Variants in SEC63 observed in about 807,000 individuals in gnomAD.
SEC63 encodes the protein SEC63 protein translocation regulator.
SEC63 carries 56 observed loss-of-function variants against 116.2 expected under a neutral mutation model. The observed-to-expected ratio is 0.48, with a 90% CI of 0.39 to 0.60. The LOEUF (loss-of-function observed/expected upper bound fraction) is 0.60. Among genes scored for constraint, SEC63 ranks in the 20% least tolerant of loss-of-function variants. SEC63 has a pLI of 0.00. For missense variants in SEC63, 668 were observed against 900.0 expected (o/e 0.74, Z 3.30); for synonymous variants, 273 against 294.6 (o/e 0.93, Z 0.75).
At chr6:107,922,706 T>C (rs1478304557) in intron 3 of SEC63, among the ~76,000 whole-genome samples, 1 of 152,206 alleles carries the variant, frequency 6.6e-6, no homozygotes, top group African/African-American at 2.4e-5. Flanking sequence ...CTGTTTTTTA[T>C]TGCCCTTCTA....
chr6:107,868,671 C>G lies in SEC63; in HGVS notation c.*3033G>C, dbSNP rs1351065695. ...AATTCTTCTGCCTACAGTAGATAGACTAAAAAAAAAAAAAGGCATTCCAAA... is the reference window on the plus strand; with the variant it reads ...AATTCTTCTGCCTACAGTAGATAGAGTAAAAAAAAAAAAAGGCATTCCAAA... On this transcript the variant is annotated 3_prime_UTR_variant, in exon 21 of 21. Transcript: ENST00000369002. 6.8e-6 allele frequency: 1 copy of G among 147,166 alleles called. No individual in the cohort carries two copies. The allele number at this position is 147,166 out of a possible 1,614,324, so 9.1% of individuals were successfully genotyped here.
At chr6:107,923,442 T>C (rs1787602432) in intron 3 of SEC63, among the ~76,000 whole-genome samples, 1 of 152,138 alleles carries the variant, frequency 6.6e-6, no homozygotes, top group Non-Finnish European at 1.5e-5. Flanking sequence ...TTAGAACCCA[T>C]TAATCAGGTT....
At position 107,896,369 on chromosome 6, in the gene SEC63, G is replaced by T. The variant is rs116739900; in HGVS notation, c.1440+1280C>A. Among the ~76,000 whole-genome samples the T allele has an allele frequency of 3.4e-3, 520 of 152,058 alleles. 4 individuals are homozygous for T. The highest frequency in any genetic ancestry group is 0.012 in the African/African-American group (504 of 41,474). ...ATGCCAGCTACTAGAGAGAGACTGA[G>T]GCAGAAGAATCACTTGAACCTGGGA... On this transcript the variant is annotated intron_variant, in intron 14 of 20. Coordinates refer to ENST00000369002, the MANE Select transcript of SEC63 (RefSeq NM_007214.5).
At chr6:107,930,765 C>G (rs1787788638) in intron 1 of SEC63, among the ~76,000 whole-genome samples, 2 of 152,074 alleles carry the variant, frequency 1.3e-5, no homozygotes. Context: ...GAGGCTGAGG[C>G]AGGCAGATCA....
Position 107,871,545 on chromosome 6 carries a change from C to G in SEC63, c.*159G>C. ...TAACATTTTTCAGGTTGTACCAAGG[C>G]ACCGCCACTGCCTAGTTATATTATG... On this transcript the variant is annotated 3_prime_UTR_variant, in exon 21 of 21. Transcript: ENST00000369002. The G allele has an allele frequency of 1.4e-6, 1 of 735,410 alleles. No homozygotes were observed. The highest frequency in any genetic ancestry group is 2.5e-5 in the East Asian group (1 of 39,922). The allele number at this position is 735,410 out of a possible 1,614,324, so 45.6% of individuals were successfully genotyped here.
intron 1 of SEC63, 184 bp downstream of exon 1, chr6:107,957,702 G>T (rs1266008982): frequency 1.3e-5 from 6 of 458,272 alleles, no homozygotes; most frequent in African/African-American, 4.1e-5. Flanking sequence ...GGGAGGTGGA[G>T]AAGCGCCGAG....
Position 107,919,730 on chromosome 6 carries a change from G to C in SEC63, c.452+2067C>G, listed in dbSNP as rs369327689. On this transcript the variant is annotated intron_variant, in intron 4 of 20. Transcript: ENST00000369002. Reference sequence around the variant, plus strand: ...CCAGCTACTCGGGAGGCTGAGGCAGGAGAATGGCGTGAACCCGGGAGGCGG... The same window carrying C: ...CCAGCTACTCGGGAGGCTGAGGCAGCAGAATGGCGTGAACCCGGGAGGCGG... Among the ~76,000 whole-genome samples, 9 of 151,910 alleles carry C rather than the reference G, an allele frequency of 5.9e-5. No homozygotes were observed. The East Asian group carries it at 1.5e-3, about 26-fold the overall frequency.
intron 18 of SEC63, among the ~76,000 whole-genome samples, chr6:107,878,499 A>G (rs1443328856): frequency 6.6e-6 from 1 of 152,150 alleles, no homozygotes; most frequent in Non-Finnish European, 1.5e-5. Flanking sequence ...TTACCTCCCC[A>G]CTTAGAGAAT....
chr6:107,925,207 T>C (rs1344349929), intron 2 of SEC63, among the ~76,000 whole-genome samples: 2 of 152,204 alleles, frequency 1.3e-5, no homozygotes, highest in Admixed American at 6.5e-5. Flanking sequence ...ATTCAACTTA[T>C]TAACTTACTG....
chr6:107,910,417 AT>A (rs1787249480), intron 7 of SEC63, among the ~76,000 whole-genome samples: 1 of 152,156 alleles, frequency 6.6e-6, no homozygotes, highest in Non-Finnish European at 1.5e-5. Context: ...GCAGAGAGCC[AT>A]GTTTGCACCA....
intron 3 of SEC63, 147 bp downstream of exon 3, chr6:107,924,670 AT>A: frequency 2.1e-6 from 1 of 477,346 alleles, no homozygotes; most frequent in Non-Finnish European, 3.5e-6. Context: ...TTAAATTATA[AT>A]AACAGAGGAT....
chr6:107,874,710 CTG>C (rs1354048779), intron 19 of SEC63, among the ~76,000 whole-genome samples: 1 of 151,852 alleles, frequency 6.6e-6, no homozygotes. Flanking sequence ...ACATGTCACT[CTG>C]TTGCCCAGGC....
At chr6:107,949,191 G>A (rs534194295) in intron 1 of SEC63, among the ~76,000 whole-genome samples, 56 of 152,284 alleles carry the variant, frequency 3.7e-4, no homozygotes, top group Non-Finnish European at 5.3e-4. Context: ...ATGTAATTAG[G>A]GGAAATCAAA....
intron 18 of SEC63, among the ~76,000 whole-genome samples, chr6:107,879,764 A>G (rs1397192475): frequency 2.8e-5 from 4 of 140,484 alleles, no homozygotes; most frequent in African/African-American, 1.1e-4. Context: ...TCACTGTGTC[A>G]TCCAAGCTGG....
intron 2 of SEC63, among the ~76,000 whole-genome samples, chr6:107,926,015 A>G (rs1218937047): frequency 1.3e-5 from 2 of 152,228 alleles, no homozygotes; most frequent in Admixed American, 6.5e-5. Context: ...ATGGGGTTTC[A>G]CCATGTTGGC....
intron 10 of SEC63, 82 bp downstream of exon 10, chr6:107,906,366 A>G: frequency 1.4e-6 from 2 of 1,461,638 alleles, no homozygotes; most frequent in Non-Finnish European, 1.9e-6. Context: ...ATGCGAGAAC[A>G]AACTAATACA....
At chr6:107,927,614 G>GT (rs901106078) in intron 2 of SEC63, among the ~76,000 whole-genome samples, 15 of 152,088 alleles carry the variant, frequency 9.9e-5, no homozygotes, top group African/African-American at 2.9e-4. Context: ...CTTCATAAAA[G>GT]TTTTTTTCCT....
At chr6:107,956,833 G>C (rs117066204) in intron 1 of SEC63, among the ~76,000 whole-genome samples, 5,297 of 152,256 alleles carry the variant, frequency 0.035, 114 homozygotes, top group Non-Finnish European at 0.054. Flanking sequence ...TCCAAGTAGA[G>C]TATATAACCT....
intron 5 of SEC63, among the ~76,000 whole-genome samples, chr6:107,913,025 A>G (rs1411766325): frequency 6.6e-6 from 1 of 152,230 alleles, no homozygotes; most frequent in Non-Finnish European, 1.5e-5. Context: ...TCAAGAAAAT[A>G]TAAATTATTT....
Sources: gnomAD v4.1 joint callset for allele counts (sites outside exome capture counted in the v4.1 genomes callset) on GRCh38, gnomAD v4.1.1 for gene constraint, MANE v1.5 for transcripts, NCBI Gene and HGNC (gene_info 2026-07-23, HGNC 2026-07-21) for gene names.